KCNH7: variants seen among roughly 807,000 people sequenced by gnomAD.
KCNH7 encodes the protein voltage-gated inwardly rectifying potassium channel KCNH7.
Under a neutral mutation model 120.8 loss-of-function variants are expected in KCNH7, and 49 were observed. The observed-to-expected ratio is 0.41, with a 90% CI of 0.32 to 0.51. The LOEUF is 0.51. Among genes scored for constraint, KCNH7 ranks in the 20% least tolerant of loss-of-function variants. KCNH7 has a pLI of 0.38. For synonymous variants in KCNH7, 547 were observed against 516.1 expected (o/e 1.06, Z -0.81); for missense variants, 1,097 against 1,446.6 (o/e 0.76, Z 3.92).
At chr2:162,769,603 C>A (rs1174335344) in intron 2 of KCNH7, among the ~76,000 whole-genome samples, 1 of 151,968 alleles carries the variant, frequency 6.6e-6, no homozygotes, top group Non-Finnish European at 1.5e-5. Flanking sequence ...AAGGAACAGA[C>A]CACCTACCAA....
intron 2 of KCNH7, among the ~76,000 whole-genome samples, chr2:162,670,658 A>G (rs1685317914): frequency 1.3e-5 from 2 of 151,966 alleles, no homozygotes; most frequent in South Asian, 2.1e-4. Context: ...TAAGCTATGT[A>G]GGCTACATTT....
At chr2:162,758,364 G>A (rs1688857900) in intron 2 of KCNH7, among the ~76,000 whole-genome samples, 1 of 152,004 alleles carries the variant, frequency 6.6e-6, no homozygotes, top group Admixed American at 6.6e-5. Context: ...TTTATTTTTT[G>A]TATAAACAGC....
intron 6 of KCNH7, among the ~76,000 whole-genome samples, chr2:162,449,740 A>T (rs934194617): frequency 6.6e-6 from 1 of 152,078 alleles, no homozygotes; most frequent in African/African-American, 2.4e-5. Flanking sequence ...GAAGGAAACA[A>T]CCTTGCCCAC....
intron 6 of KCNH7, among the ~76,000 whole-genome samples, chr2:162,465,469 T>C (rs1416133545): frequency 6.6e-6 from 1 of 152,170 alleles, no homozygotes; most frequent in Non-Finnish European, 1.5e-5. Flanking sequence ...TATACACTTA[T>C]TATACAGGCA....
intron 2 of KCNH7, among the ~76,000 whole-genome samples, chr2:162,686,896 T>C (rs973319318): frequency 1.3e-5 from 2 of 152,160 alleles, no homozygotes; most frequent in Non-Finnish European, 1.5e-5. Context: ...TTCGTCTGAA[T>C]ACTCCAGATC....
intron 2 of KCNH7, among the ~76,000 whole-genome samples, chr2:162,564,671 C>T (rs1693190889): frequency 6.6e-6 from 1 of 152,052 alleles, no homozygotes; most frequent in East Asian, 1.9e-4. Flanking sequence ...TTCTTTGTAA[C>T]ATCAAGGATG....
chr2:162,694,256 T>C (rs1686211212), intron 2 of KCNH7, among the ~76,000 whole-genome samples: 1 of 152,102 alleles, frequency 6.6e-6, no homozygotes, highest in African/African-American at 2.4e-5. Context: ...AGGTTGGGCT[T>C]TTACAACTAC....
At chr2:162,587,959 T>C (rs994871922) in intron 2 of KCNH7, among the ~76,000 whole-genome samples, 1 of 152,078 alleles carries the variant, frequency 6.6e-6, no homozygotes, top group African/African-American at 2.4e-5. Context: ...ACAACGCATT[T>C]CCCAGGAAAC....
intron 2 of KCNH7, among the ~76,000 whole-genome samples, chr2:162,660,281 G>A (rs1368380787): frequency 6.6e-6 from 1 of 152,036 alleles, no homozygotes; most frequent in Admixed American, 6.6e-5. Context: ...TTCCCTCTAA[G>A]TACTGCATTC....
intron 2 of KCNH7, among the ~76,000 whole-genome samples, chr2:162,564,520 A>G (rs1303731067): frequency 6.6e-6 from 1 of 152,150 alleles, no homozygotes; most frequent in African/African-American, 2.4e-5. Context: ...AATTGCTTAT[A>G]TAATTGATCT....
At chr2:162,723,022 G>A (rs986533968) in intron 2 of KCNH7, among the ~76,000 whole-genome samples, 6 of 148,640 alleles carry the variant, frequency 4.0e-5, no homozygotes, top group African/African-American at 1.5e-4. Context: ...TGCTGACCTT[G>A]GTATCCTGTT....
intron 2 of KCNH7, among the ~76,000 whole-genome samples, chr2:162,582,062 A>G (rs1320995472): frequency 1.3e-5 from 2 of 152,130 alleles, no homozygotes; most frequent in African/African-American, 4.8e-5. Context: ...CTGAAGTGCG[A>G]TTTAGACAGG....
In KCNH7 at chr2:162,517,708, T is replaced by C. The variant is rs202214300; in HGVS notation, c.892+22A>G. 22 of 1,531,232 alleles carry C rather than the reference T, an allele frequency of 1.4e-5. No individual in the cohort carries two copies. The East Asian group carries it at 4.6e-4, about 32-fold the overall frequency. 94.9% of individuals were successfully genotyped at this position (1,531,232 alleles called of 1,614,324 possible). A position where few individuals can be genotyped will look rare whatever the true frequency, so the allele number is the denominator to read the frequency against. On this transcript the variant is annotated intron_variant, in intron 4 of 15. Transcript: ENST00000332142. ...TATTACCCATTAATATATGTTTCCATTTAAAAAAAAATCAAACATACCTTC... is the reference window on the plus strand; with the variant it reads ...TATTACCCATTAATATATGTTTCCACTTAAAAAAAAATCAAACATACCTTC...
rs60854157 is a variant in KCNH7 at position 162,429,383 on chromosome 2, C to CTTTTTTTTTTTTTTTTTTTTTTTTTTTT, written c.1954+5814_1954+5815insAAAAAAAAAAAAAAAAAAAAAAAAAAAA. Among the ~76,000 whole-genome samples, 56 of 86,238 alleles carry CTTTTTTTTTTTTTTTTTTTTTTTTTTTT rather than the reference C, an allele frequency of 6.5e-4. 2 individuals are homozygous for CTTTTTTTTTTTTTTTTTTTTTTTTTTTT. The highest frequency in any genetic ancestry group is 3.1e-3 in the East Asian group (9 of 2,942). 56.6% of individuals were successfully genotyped at this position (86,238 alleles called of 152,430 possible). On this transcript the variant is annotated intron_variant, in intron 8 of 15. Transcript: ENST00000332142. ...AGACATTTAGAAATGAGGAAAAAGT[C>CTTTTTTTTTTTTTTTTTTTTTTTTTTTT]TTTTTTTTTTTTTTTTTTTTTTACT...
chr2:162,631,715 C>G (rs181122311), intron 2 of KCNH7, among the ~76,000 whole-genome samples: 3 of 151,792 alleles, frequency 2.0e-5, no homozygotes, highest in Admixed American at 1.3e-4. Flanking sequence ...AGAAACAACA[C>G]CAGATGATAA....
In KCNH7 at chr2:162,722,813, C is replaced by CTTTTTTTTTTTTTT. The variant is rs894023630; in HGVS notation, c.307+113710_307+113723dup. 1.1e-3 allele frequency among the ~76,000 whole-genome samples: 93 copies of CTTTTTTTTTTTTTT among 85,084 alleles called. 5 individuals carry two copies. Among genetic ancestry groups the CTTTTTTTTTTTTTT allele is most frequent in the African/African-American group, 3.7e-3 (62 of 16,540 alleles). The allele number at this position is 85,084 out of a possible 152,430, so 55.8% of individuals were successfully genotyped here. On this transcript the variant is annotated intron_variant, in intron 2 of 15. Coordinates refer to ENST00000332142, the MANE Select transcript of KCNH7 (RefSeq NM_033272.4). ...AATCCTTTTCATTCATTCTTTTTTT[C>CTTTTTTTTTTTTTT]TTTTTTTTTTTTTTTTTTGCTTCTC... is the stretch of plus-strand genomic sequence containing the variant.
At chr2:162,675,805 T>C (rs575372743) in intron 2 of KCNH7, among the ~76,000 whole-genome samples, 2 of 151,662 alleles carry the variant, frequency 1.3e-5, no homozygotes, top group African/African-American at 4.8e-5. Flanking sequence ...AATTTACATA[T>C]GAAAATACTA....
At chr2:162,521,298 A>G (rs1300962408) in intron 3 of KCNH7, among the ~76,000 whole-genome samples, 1 of 151,906 alleles carries the variant, frequency 6.6e-6, no homozygotes, top group Non-Finnish European at 1.5e-5. Context: ...AATGTGCTCA[A>G]TTTTGACTGT....
At chr2:162,808,332 A>G (rs1257941218) in intron 2 of KCNH7, among the ~76,000 whole-genome samples, 1 of 152,182 alleles carries the variant, frequency 6.6e-6, no homozygotes, top group African/African-American at 2.4e-5. Flanking sequence ...AATGCCAGAC[A>G]CTGCACAAGG....
Sources: allele counts gnomAD v4.1 joint callset (sites outside exome capture counted in the v4.1 genomes callset), GRCh38; gene constraint gnomAD v4.1.1; transcripts MANE v1.5; gene names NCBI Gene and HGNC (gene_info 2026-07-23, HGNC 2026-07-21).